The following FSBP variants were observed in gnomAD, a reference collection of about 807,000 sequenced individuals.
FSBP encodes fibrinogen silencer binding protein.
FSBP carries 18 observed loss-of-function variants against 24.6 expected under a neutral mutation model. The ratio of observed to expected loss-of-function variants is 0.73; its 90% CI spans 0.51 to 1.08. FSBP has a LOEUF of 1.08. Among genes scored for constraint, FSBP ranks in the 50% least tolerant of loss-of-function variants. The pLI is 0.00. For synonymous variants in FSBP, 110 were observed against 125.8 expected, an observed-to-expected ratio of 0.87 and a Z score of 0.84; for missense variants, 305 against 347.6, an observed-to-expected ratio of 0.88 and a Z score of 0.98.
chr8:94,428,558 G>C lies in FSBP; in HGVS notation c.*3573C>G. The C allele has an allele frequency of 3.6e-6, 1 of 275,634 alleles. No individual in the cohort carries two copies. Among genetic ancestry groups the C allele is most frequent in the Non-Finnish European group, 5.5e-6 (1 of 181,182 alleles). The allele number at this position is 275,634 out of a possible 1,614,324, so 17.1% of individuals were successfully genotyped here. On this transcript the variant is annotated 3_prime_UTR_variant, in exon 2 of 2. Transcript: ENST00000481490. ...CTATGTAAATAGTTGTTAGGATACA[G>C]GACAAGTGAGCCCCAAAACTGGGGA...
In FSBP at chr8:94,428,822, T is replaced by C. The variant is rs1192716088; in HGVS notation, c.*3309A>G. 2.0e-6 allele frequency: 2 copies of C among 984,862 alleles called. No homozygotes were observed. The highest frequency in any genetic ancestry group is 2.4e-6 in the Non-Finnish European group (2 of 829,784). The allele number at this position is 984,862 out of a possible 1,614,324, so 61.0% of individuals were successfully genotyped here. A position where few individuals can be genotyped will look rare whatever the true frequency, so the allele number is the denominator to read the frequency against. On this transcript the variant is annotated 3_prime_UTR_variant, in exon 2 of 2. Coordinates refer to ENST00000481490, the MANE Select transcript of FSBP (RefSeq NM_001256141.2). ...AAAACTGCTAATGTTAGTTGGTAAG[T>C]AGTCCCCTAACTCAAAAAAGTCTCA... is the stretch of plus-strand genomic sequence containing the variant.
rs1812035711 is a variant in FSBP at position 94,429,628 on chromosome 8, G to C, written c.*2503C>G. The C allele has an allele frequency of 1.0e-6, 1 of 983,452 alleles. No homozygotes were observed. Among genetic ancestry groups the C allele is most frequent in the African/African-American group, 1.7e-5 (1 of 57,158 alleles). The allele number at this position is 983,452 out of a possible 1,614,324, so 60.9% of individuals were successfully genotyped here. ...AGATGTGTTTACTAGAATTATACTG[G>C]GAAACATTACCTCAAATTAAGAATT... On this transcript the variant is annotated 3_prime_UTR_variant, in exon 2 of 2. Coordinates refer to ENST00000481490, the MANE Select transcript of FSBP (RefSeq NM_001256141.2).
chr8:94,429,860 T>C lies in FSBP; in HGVS notation c.*2271A>G, dbSNP rs1299816185. 1.0e-6 allele frequency: 1 copy of C among 985,316 alleles called. No homozygotes were observed. The highest frequency in any genetic ancestry group is 1.2e-6 in the Non-Finnish European group (1 of 829,926). The allele number at this position is 985,316 out of a possible 1,614,324, so 61.0% of individuals were successfully genotyped here. ...AAATAGTACCTTGAGTTCATTTTTTTCTATTTCTATAGCCATAACTTAAAT... is the reference window on the plus strand; with the variant it reads ...AAATAGTACCTTGAGTTCATTTTTTCCTATTTCTATAGCCATAACTTAAAT... On this transcript the variant is annotated 3_prime_UTR_variant, in exon 2 of 2. Coordinates refer to ENST00000481490, the MANE Select transcript of FSBP (RefSeq NM_001256141.2).
rs746287879 is a variant in FSBP at position 94,436,904 on chromosome 8, C to A, written c.-36G>T. On this transcript the variant is annotated 5_prime_UTR_variant, in exon 1 of 2. Transcript: ENST00000481490. ...AAATTAAGTAGGCAGTTTCTGAAAC[C>A]ACCATGCAGCCTTCAGCTCTGCTCA... The A allele has an allele frequency of 1.9e-5, 28 of 1,486,844 alleles. No individual in the cohort carries two copies. The highest frequency in any genetic ancestry group is 2.5e-5 in the Non-Finnish European group (28 of 1,121,110). The allele number at this position is 1,486,844 out of a possible 1,614,324, so 92.1% of individuals were successfully genotyped here.
chr8:94,429,113 G>A lies in FSBP; in HGVS notation c.*3018C>T. On this transcript the variant is annotated 3_prime_UTR_variant, in exon 2 of 2. Transcript: ENST00000481490. ...AGATTGACTTGGAAAAGTTGCTGCAGTAAACTCAAAGAGTGTGATTCTGGT... is the reference window on the plus strand; with the variant it reads ...AGATTGACTTGGAAAAGTTGCTGCAATAAACTCAAAGAGTGTGATTCTGGT... 1.0e-6 allele frequency: 1 copy of A among 985,266 alleles called. No individual in the cohort carries two copies. The highest frequency in any genetic ancestry group is 1.2e-6 in the Non-Finnish European group (1 of 829,778). 61.0% of individuals were successfully genotyped at this position (985,266 alleles called of 1,614,324 possible). A position where few individuals can be genotyped will look rare whatever the true frequency, so the allele number is the denominator to read the frequency against.
rs1206176561 is a variant in FSBP, at chr8:94,436,568, T to G, written c.301A>C (p.Thr101Pro). ...GGAATCATCTCCATAACTTTCTTGGTTGGCTCAGAAATATTGCTTTTAAAA... is the reference window on the plus strand; with the variant it reads ...GGAATCATCTCCATAACTTTCTTGGGTGGCTCAGAAATATTGCTTTTAAAA... ...SDFKSNISEP[T>P]KKVMEMIPQI... The change falls in exon 1 of 2, where the codon ACC (threonine) becomes CCC (proline). Residue 101 changes from threonine to proline, a missense_variant. Transcript: ENST00000481490. The G allele has an allele frequency of 6.4e-7, 1 of 1,550,398 alleles. No homozygotes were observed. Among genetic ancestry groups the G allele is most frequent in the African/African-American group, 1.4e-5 (1 of 73,050 alleles).
Position 94,428,154 on chromosome 8 carries a change from T to TA in FSBP, c.*3976dup, listed in dbSNP as rs371509581. On this transcript the variant is annotated 3_prime_UTR_variant, in exon 2 of 2. Coordinates refer to ENST00000481490, the MANE Select transcript of FSBP (RefSeq NM_001256141.2). The stretch of plus-strand genomic sequence containing the variant: ...GATAGGAAAGTGGCTATCCACTATC[T>TA]AAATTACTAATATATTGGATGAAAT... 3.6e-6 allele frequency: 3 copies of TA among 841,390 alleles called. No homozygotes were observed. In the African/African-American group the frequency reaches 5.5e-5, roughly 16 times the overall value. 52.1% of individuals were successfully genotyped at this position (841,390 alleles called of 1,614,324 possible).
intron 1 of FSBP, among the ~76,000 whole-genome samples, chr8:94,435,148 C>T (rs1243085778): frequency 6.6e-6 from 1 of 151,984 alleles, no homozygotes; most frequent in African/African-American, 2.4e-5. Context: ...ATAAGTAGCA[C>T]AGTATAAAAC....
rs868381336 is a variant in FSBP at position 94,429,738 on chromosome 8, T to C, written c.*2393A>G. 4.1e-6 allele frequency: 4 copies of C among 984,190 alleles called. No homozygotes were observed. In the South Asian group the frequency reaches 1.9e-4, roughly 46 times the overall value. The allele number at this position is 984,190 out of a possible 1,614,324, so 61.0% of individuals were successfully genotyped here. ...TGTCAAAAGGATATATCAAGTTATA[T>C]ATTCAGGACATCTTTATAATTAAAG... On this transcript the variant is annotated 3_prime_UTR_variant, in exon 2 of 2. Transcript: ENST00000481490.
rs1812078126 is a variant in FSBP at position 94,431,004 on chromosome 8, T to C, written c.*1127A>G. On this transcript the variant is annotated 3_prime_UTR_variant, in exon 2 of 2. Coordinates refer to ENST00000481490, the MANE Select transcript of FSBP (RefSeq NM_001256141.2). Reference sequence around the variant, plus strand: ...TCTCACTCTTGACTTCAAACACCCATGGTCCCCTTCACTGCTGAAATTACA... The same window carrying C: ...TCTCACTCTTGACTTCAAACACCCACGGTCCCCTTCACTGCTGAAATTACA... 1.6e-5 allele frequency: 16 copies of C among 985,256 alleles called. No individual in the cohort carries two copies. The highest frequency in any genetic ancestry group is 4.7e-5 in the South Asian group (1 of 21,292). The allele number at this position is 985,256 out of a possible 1,614,324, so 61.0% of individuals were successfully genotyped here.
chr8:94,434,835 G>C (rs1812211808), intron 1 of FSBP, among the ~76,000 whole-genome samples: 1 of 151,482 alleles, frequency 6.6e-6, no homozygotes, highest in Non-Finnish European at 1.5e-5. Flanking sequence ...CATAGGTATA[G>C]AAATGTACAA....
In FSBP at chr8:94,427,805, A is replaced by G. The variant is rs1207214392; in HGVS notation, c.*4326T>C. 21 of 958,634 alleles carry G rather than the reference A, an allele frequency of 2.2e-5. No individual in the cohort carries two copies. The highest frequency in any genetic ancestry group is 3.5e-5 in the African/African-American group (2 of 56,582). The allele number at this position is 958,634 out of a possible 1,614,324, so 59.4% of individuals were successfully genotyped here. A position where few individuals can be genotyped will look rare whatever the true frequency, so the allele number is the denominator to read the frequency against. ...CAGTATATATTAAACACAATTTATTACACTCTAAGTTATTTAAACATGTGT... is the reference window on the plus strand; with the variant it reads ...CAGTATATATTAAACACAATTTATTGCACTCTAAGTTATTTAAACATGTGT... On this transcript the variant is annotated 3_prime_UTR_variant, in exon 2 of 2. Coordinates refer to ENST00000481490, the MANE Select transcript of FSBP (RefSeq NM_001256141.2).
Position 94,434,800 on chromosome 8 carries a change from C to T in FSBP, c.374+1695G>A, listed in dbSNP as rs1812210751. On this transcript the variant is annotated intron_variant, in intron 1 of 1. Coordinates refer to ENST00000481490, the MANE Select transcript of FSBP (RefSeq NM_001256141.2). ...GTTTCTTATATTCTTCCCTTTAAAA[C>T]CTAACAAATTGGTATTATTTAAGCC... is the stretch of plus-strand genomic sequence containing the variant. Among the ~76,000 whole-genome samples, 3 of 151,512 alleles carry T rather than the reference C, an allele frequency of 2.0e-5. No homozygotes were observed. In the South Asian group the frequency reaches 6.2e-4, roughly 32 times the overall value.
Position 94,431,108 on chromosome 8 carries a change from A to T in FSBP, c.*1023T>A. 2 of 969,676 alleles carry T rather than the reference A, an allele frequency of 2.1e-6. No individual in the cohort carries two copies. Among genetic ancestry groups the T allele is most frequent in the Non-Finnish European group, 2.5e-6 (2 of 815,660 alleles). The allele number at this position is 969,676 out of a possible 1,614,324, so 60.1% of individuals were successfully genotyped here. On this transcript the variant is annotated 3_prime_UTR_variant, in exon 2 of 2. Coordinates refer to ENST00000481490, the MANE Select transcript of FSBP (RefSeq NM_001256141.2). ...AAAAATAGAAATTCTTAAGTAACATACATATTAGAGATTTAATATAAATTT... is the reference window on the plus strand; with the variant it reads ...AAAAATAGAAATTCTTAAGTAACATTCATATTAGAGATTTAATATAAATTT...
In FSBP at chr8:94,428,962, C is replaced by A; in HGVS notation, c.*3169G>T. 2 of 982,556 alleles carry A rather than the reference C, an allele frequency of 2.0e-6. No individual in the cohort carries two copies. Among genetic ancestry groups the A allele is most frequent in the Non-Finnish European group, 2.4e-6 (2 of 827,416 alleles). 60.9% of individuals were successfully genotyped at this position (982,556 alleles called of 1,614,324 possible). On this transcript the variant is annotated 3_prime_UTR_variant, in exon 2 of 2. Coordinates refer to ENST00000481490, the MANE Select transcript of FSBP (RefSeq NM_001256141.2). ...GGTCAAATAAATAATTTTCTTTATA[C>A]AGGAATTCTCATAAACTATACTATG... is the stretch of plus-strand genomic sequence containing the variant.
Position 94,431,999 on chromosome 8 carries a change from T to C in FSBP, c.*132A>G, listed in dbSNP as rs1812109018. ...TCAAAAGAAAATAATTAGAAAATTA[T>C]ATCTAAAAAGTTTTTCCATAATAGA... On this transcript the variant is annotated 3_prime_UTR_variant, in exon 2 of 2. Coordinates refer to ENST00000481490, the MANE Select transcript of FSBP (RefSeq NM_001256141.2). The C allele has an allele frequency of 1.5e-6, 2 of 1,305,622 alleles. No homozygotes were observed. The highest frequency in any genetic ancestry group is 3.6e-5 in the Admixed American group (1 of 28,042). 80.9% of individuals were successfully genotyped at this position (1,305,622 alleles called of 1,614,324 possible). A position where few individuals can be genotyped will look rare whatever the true frequency, so the allele number is the denominator to read the frequency against.
rs1363245224 is a variant in FSBP, at chr8:94,432,139, T to C, written c.892A>G (p.Ser298Gly). The C allele has an allele frequency of 6.5e-7, 1 of 1,529,494 alleles. No individual in the cohort carries two copies. The highest frequency in any genetic ancestry group is 2.2e-5 in the Admixed American group (1 of 46,170). The allele number at this position is 1,529,494 out of a possible 1,614,324, so 94.7% of individuals were successfully genotyped here. A position where few individuals can be genotyped will look rare whatever the true frequency, so the allele number is the denominator to read the frequency against. ...RLRHDLPEYN[S>G]L Reference sequence around the variant, plus strand: ...AAGATTGAAAAAAAAACTTAGAGACTGTTATATTCAGGTAGATCATGCCGT... The same window carrying C: ...AAGATTGAAAAAAAAACTTAGAGACCGTTATATTCAGGTAGATCATGCCGT... The change falls in exon 2 of 2, where the codon AGT (serine) becomes GGT (glycine). Residue 298 changes from serine to glycine, a missense_variant. Coordinates refer to ENST00000481490, the MANE Select transcript of FSBP (RefSeq NM_001256141.2).
Position 94,431,263 on chromosome 8 carries a change from A to G in FSBP, c.*868T>C, listed in dbSNP as rs1291402483. 1 of 967,804 alleles carries G rather than the reference A, an allele frequency of 1.0e-6. No individual in the cohort carries two copies. Among genetic ancestry groups the G allele is most frequent in the Non-Finnish European group, 1.2e-6 (1 of 814,154 alleles). The allele number at this position is 967,804 out of a possible 1,614,324, so 60.0% of individuals were successfully genotyped here. A position where few individuals can be genotyped will look rare whatever the true frequency, so the allele number is the denominator to read the frequency against. On this transcript the variant is annotated 3_prime_UTR_variant, in exon 2 of 2. Coordinates refer to ENST00000481490, the MANE Select transcript of FSBP (RefSeq NM_001256141.2). ...TGAAAGAAATTTTTTCCAGAACAGG[A>G]CATTCAAAATGAATTAAGACATGTC... is the stretch of plus-strand genomic sequence containing the variant.
At position 94,430,347 on chromosome 8, in the gene FSBP, A is replaced by G. The variant is rs1163596599; in HGVS notation, c.*1784T>C. ...AAAAAAGTATTTAATGTAATTCATA[A>G]TCTGGTATCAACCATCATCCAAATT... On this transcript the variant is annotated 3_prime_UTR_variant, in exon 2 of 2. Coordinates refer to ENST00000481490, the MANE Select transcript of FSBP (RefSeq NM_001256141.2). The G allele has an allele frequency of 2.0e-6, 2 of 984,028 alleles. No homozygotes were observed. The highest frequency in any genetic ancestry group is 2.4e-6 in the Non-Finnish European group (2 of 828,918). The allele number at this position is 984,028 out of a possible 1,614,324, so 61.0% of individuals were successfully genotyped here.
Sources: allele counts gnomAD v4.1 joint callset (sites outside exome capture counted in the v4.1 genomes callset), GRCh38; gene constraint gnomAD v4.1.1; transcripts MANE v1.5; gene names NCBI Gene and HGNC (gene_info 2026-07-23, HGNC 2026-07-21).